Variants in FBN1 observed in about 807,000 individuals in gnomAD.
FBN1 encodes the protein fibrillin 1, also known as fibrillin-1.
Under a neutral mutation model 365.1 loss-of-function variants are expected in FBN1, and 29 were observed. That is an observed-to-expected ratio of 0.08 (90% CI 0.06 to 0.11). The LOEUF (loss-of-function observed/expected upper bound fraction) is 0.11, where lower values mean the gene tolerates loss of function less well. Among genes scored for constraint, FBN1 ranks in the 10% least tolerant of loss-of-function variants. The probability of loss-of-function intolerance (pLI) is 1.00; values close to 1 mark genes in which losing one functional copy is unlikely to be tolerated. For synonymous variants in FBN1, 1,210 were observed against 1,270.5 expected (o/e 0.95, Z 1.01); for missense variants, 2,476 against 3,703.2 (o/e 0.67, Z 8.60).
At chr15:48,553,582 G>T (rs2044158858) in intron 6 of FBN1, among the ~76,000 whole-genome samples, 1 of 152,186 alleles carries the variant, frequency 6.6e-6, no homozygotes, top group South Asian at 2.1e-4. Flanking sequence ...TATTGTTTTG[G>T]CTCAGGGAAC....
chr15:48,437,310 C>T lies in FBN1; in HGVS notation c.6379+12G>A. 1 of 1,609,608 alleles carries T rather than the reference C, an allele frequency of 6.2e-7. No homozygotes were observed. Among genetic ancestry groups the T allele is most frequent in the Non-Finnish European group, 8.5e-7 (1 of 1,176,312 alleles). ...ACTGAGAAATGCTGAGAATCCAGCA[C>T]AGGCAACTGACCAACTGCTGAATCA... On this transcript the variant is annotated intron_variant, in intron 52 of 65. Coordinates refer to ENST00000316623, the MANE Select transcript of FBN1 (RefSeq NM_000138.5).
At chr15:48,569,162 G>A (rs932118607) in intron 6 of FBN1, among the ~76,000 whole-genome samples, 4 of 152,054 alleles carry the variant, frequency 2.6e-5, no homozygotes, top group Admixed American at 6.6e-5. Context: ...TTTAAAAGCC[G>A]GCAAGACATT....
chr15:48,500,988 T>G (rs930164508), intron 17 of FBN1, among the ~76,000 whole-genome samples: 4 of 152,342 alleles, frequency 2.6e-5, no homozygotes, highest in African/African-American at 7.2e-5. Context: ...ATGAGGGATA[T>G]CCTACATTCG....
intron 2 of FBN1, among the ~76,000 whole-genome samples, chr15:48,619,368 T>TCC (rs1889722300): frequency 6.6e-6 from 1 of 152,146 alleles, no homozygotes; most frequent in Admixed American, 6.5e-5. Context: ...AAGAGCTTTA[T>TCC]CCCCTTCTTG....
intron 2 of FBN1, among the ~76,000 whole-genome samples, chr15:48,630,420 A>C (rs1426472160): frequency 3.9e-5 from 6 of 152,168 alleles, no homozygotes; most frequent in Non-Finnish European, 8.8e-5. Flanking sequence ...ACCTATTTTC[A>C]AGGAAGGTCC....
rs2042834630 is a variant in FBN1, at chr15:48,408,331, A to G, written c.*2659T>C. On this transcript the variant is annotated 3_prime_UTR_variant, in exon 66 of 66. Transcript: ENST00000316623. ...TGCAGCATCAACCCAATTGTCCTTT[A>G]TTTTGGCTCATCTAATTTACAGACA... 1.3e-5 allele frequency: 2 copies of G among 152,612 alleles called. No homozygotes were observed. The highest frequency in any genetic ancestry group is 6.5e-5 in the Admixed American group (1 of 15,272). The allele number at this position is 152,612 out of a possible 1,614,324, so 9.5% of individuals were successfully genotyped here.
At chr15:48,572,252 C>T (rs372568778) in intron 6 of FBN1, among the ~76,000 whole-genome samples, 27 of 152,174 alleles carry the variant, frequency 1.8e-4, no homozygotes, top group African/African-American at 6.5e-4. Context: ...GAGAAAAATT[C>T]TGAACATTAT....
intron 38 of FBN1, 39 bp downstream of exon 38, chr15:48,467,898 TG>T: frequency 6.4e-7 from 1 of 1,568,194 alleles, no homozygotes; most frequent in Non-Finnish European, 8.8e-7. Flanking sequence ...GAGAACTGGC[TG>T]GAGTTGAAAT....
At chr15:48,487,462 A>G in intron 27 of FBN1, 25 bp from the exon 28 acceptor site, 1 of 1,612,440 alleles carries the variant, frequency 6.2e-7, no homozygotes, top group Non-Finnish European at 8.5e-7. Flanking sequence ...TGACCATGTT[A>G]AAGGTGGGGG....
intron 5 of FBN1, 146 bp from the exon 6 acceptor site, chr15:48,596,524 C>G: frequency 1.3e-6 from 1 of 741,376 alleles, no homozygotes; most frequent in Middle Eastern, 2.7e-4. Flanking sequence ...GTTACACATA[C>G]TCAGATATTC....
chr15:48,570,201 G>C (rs1361672114), intron 6 of FBN1, among the ~76,000 whole-genome samples: 3 of 152,096 alleles, frequency 2.0e-5, no homozygotes, highest in Non-Finnish European at 4.4e-5. Flanking sequence ...TACTAAACCT[G>C]TTTTCCAATC....
chr15:48,441,823 G>A lies in FBN1; in HGVS notation c.6061C>T (p.Pro2021Ser). 1 of 1,613,500 alleles carries A rather than the reference G, an allele frequency of 6.2e-7. No individual in the cohort carries two copies. Among genetic ancestry groups the A allele is most frequent in the Non-Finnish European group, 8.5e-7 (1 of 1,179,642 alleles). Residue 2021 changes from proline (P) to serine (S), a missense_variant, in exon 50 of 66, where the codon CCA becomes TCA. Pro to Ser is a moderately conservative substitution (Grantham distance 74). This residue lies in a region of FBN1 where 1,780 missense variants were observed against 2,840.8 expected (regional missense o/e 0.63). Coordinates refer to ENST00000316623, the MANE Select transcript of FBN1 (RefSeq NM_000138.5). ...CATGTGCCCAGGGCACAAATTTCTGGCTCTTCGACACACTCATCAATATCT... is the reference window on the plus strand; with the variant it reads ...CATGTGCCCAGGGCACAAATTTCTGACTCTTCGACACACTCATCAATATCT... ...CEDIDECVEE[P>S]EICALGTCSN...
At chr15:48,493,598 TGGGTGG>T (rs1470235522) in intron 23 of FBN1, among the ~76,000 whole-genome samples, 3 of 152,174 alleles carry the variant, frequency 2.0e-5, no homozygotes, top group African/African-American at 7.2e-5. Flanking sequence ...AGCAAGACCT[TGGGTGG>T]GGGTTGTAGT....
chr15:48,498,656 G>A (rs1425977859), intron 18 of FBN1, among the ~76,000 whole-genome samples: 1 of 152,148 alleles, frequency 6.6e-6, no homozygotes, highest in Non-Finnish European at 1.5e-5. Context: ...GATAGTGGAA[G>A]ATCCACAAGA....
Position 48,487,066 on chromosome 15 carries a change from A to G in FBN1, c.3589+9T>C, listed in dbSNP as rs1190482556. On this transcript the variant is annotated intron_variant, in intron 29 of 65. Coordinates refer to ENST00000316623, the MANE Select transcript of FBN1 (RefSeq NM_000138.5). The stretch of plus-strand genomic sequence containing the variant: ...AAAATAAAATAAAATAAAATAAAAA[A>G]GAACTTACCAACACAAAATAGCCTA... 6.6e-7 allele frequency: 1 copy of G among 1,520,246 alleles called. No individual in the cohort carries two copies. The highest frequency in any genetic ancestry group is 8.8e-7 in the Non-Finnish European group (1 of 1,136,686). The allele number at this position is 1,520,246 out of a possible 1,614,324, so 94.2% of individuals were successfully genotyped here.
intron 38 of FBN1, 82 bp downstream of exon 38, chr15:48,467,856 A>G (rs559042727): frequency 2.4e-6 from 3 of 1,235,992 alleles, no homozygotes; most frequent in African/African-American, 3.0e-5. Flanking sequence ...CTGATCTAAG[A>G]GTAGAAAAGG....
At chr15:48,429,146 G>A (rs1047337578) in intron 56 of FBN1, among the ~76,000 whole-genome samples, 4 of 152,066 alleles carry the variant, frequency 2.6e-5, no homozygotes, top group South Asian at 4.2e-4. Flanking sequence ...TTTCATATTA[G>A]GACATAAAAA....
intron 2 of FBN1, among the ~76,000 whole-genome samples, chr15:48,622,291 AC>A (rs1189940014): frequency 6.6e-6 from 1 of 152,202 alleles, no homozygotes; most frequent in Non-Finnish European, 1.5e-5. Context: ...AAGATTATCT[AC>A]ACAACAGACA....
At chr15:48,547,106 G>C (rs1425407172) in intron 6 of FBN1, among the ~76,000 whole-genome samples, 1 of 151,948 alleles carries the variant, frequency 6.6e-6, no homozygotes. Context: ...AACAAAACCT[G>C]TGTATAATGT....
Sources: gnomAD v4.1 joint callset for allele counts (sites outside exome capture counted in the v4.1 genomes callset) on GRCh38, gnomAD v4.1.1 for gene constraint, gnomAD v4.1.1 regional missense constraint, MANE v1.5 for transcripts, NCBI Gene and HGNC (gene_info 2026-07-23, HGNC 2026-07-21) for gene names.